Variants in LRRC72 observed in about 807,000 individuals in gnomAD.
LRRC72 encodes the protein leucine-rich repeat-containing protein 72.
A neutral mutation model predicts 35.8 loss-of-function variants in LRRC72; 41 were observed. That is an observed-to-expected ratio of 1.15 (90% CI 0.89 to 1.49). The LOEUF is 1.49. LRRC72 is among the 40% of genes most tolerant of loss of function. The pLI is 0.00. For synonymous variants in LRRC72, 118 were observed against 119.2 expected (o/e 0.99, Z 0.07); for missense variants, 389 against 330.7 (o/e 1.18, Z -1.37).
intron 3 of LRRC72, among the ~76,000 whole-genome samples, chr7:16,548,359 G>A (rs759251505): frequency 3.3e-5 from 5 of 152,184 alleles, no homozygotes; most frequent in Non-Finnish European, 4.4e-5. Context: ...GCCACGTTGT[G>A]GGTGACAAGA....
intron 7 of LRRC72, among the ~76,000 whole-genome samples, chr7:16,575,541 T>C (rs1036125538): frequency 4.6e-5 from 7 of 152,232 alleles, no homozygotes; most frequent in African/African-American, 1.7e-4. Flanking sequence ...AGTTTTATTT[T>C]GGACATTTGC....
chr7:16,574,203 A>G (rs1782998429), intron 7 of LRRC72, among the ~76,000 whole-genome samples: 1 of 152,202 alleles, frequency 6.6e-6, no homozygotes, highest in Non-Finnish European at 1.5e-5. Flanking sequence ...CTCTTGGGGC[A>G]GTGTAAATTA....
At position 16,548,605 on chromosome 7, in the gene LRRC72, C is replaced by G. The variant is rs1782492691; in HGVS notation, c.235-8755C>G. Among the ~76,000 whole-genome samples the G allele has an allele frequency of 2.0e-5, 3 of 152,234 alleles. No individual in the cohort carries two copies. In the South Asian group the frequency reaches 6.2e-4, roughly 32 times the overall value. Reference sequence around the variant, plus strand: ...AGGAAGCTGGTGCCCATGCCAATCCCTGGAACTGCCTGTCCTGCCACAGCC... The same window carrying G: ...AGGAAGCTGGTGCCCATGCCAATCCGTGGAACTGCCTGTCCTGCCACAGCC... On this transcript the variant is annotated intron_variant, in intron 3 of 8. Transcript: ENST00000401542.
Position 16,537,656 on chromosome 7 carries a change from G to A in LRRC72, c.194G>A (p.Arg65Lys), listed in dbSNP as rs1782280215. ...KELTEVIDLS[R>K]FKKLKYLWLH... is the part of the protein sequence containing the mutation. ...CTGACAGAGGTCATTGATCTTTCTA[G>A]GTTTAAAAAATTAAAATACTTATGG... The change falls in exon 3 of 9, where the codon AGG (arginine) becomes AAG (lysine). Residue 65 changes from arginine to lysine, a missense_variant. Arg to Lys is a conservative substitution (Grantham distance 26). Coordinates refer to ENST00000401542, the MANE Select transcript of LRRC72 (RefSeq NM_001195280.2). The A allele has an allele frequency of 1.3e-6, 2 of 1,526,544 alleles. No individual in the cohort carries two copies. The highest frequency in any genetic ancestry group is 2.5e-5 in the South Asian group (2 of 80,050). 94.6% of individuals were successfully genotyped at this position (1,526,544 alleles called of 1,614,324 possible). A position where few individuals can be genotyped will look rare whatever the true frequency, so the allele number is the denominator to read the frequency against.
chr7:16,543,326 C>T (rs1782391759), intron 3 of LRRC72, among the ~76,000 whole-genome samples: 1 of 152,154 alleles, frequency 6.6e-6, no homozygotes, highest in Admixed American at 6.5e-5. Context: ...ATCTGAAATC[C>T]TGACCAGCAT....
intron 3 of LRRC72, among the ~76,000 whole-genome samples, chr7:16,550,041 A>G (rs1782521631): frequency 6.6e-6 from 1 of 152,110 alleles, no homozygotes; most frequent in South Asian, 2.1e-4. Context: ...AAACATAGTC[A>G]GACCACATCT....
intron 3 of LRRC72, among the ~76,000 whole-genome samples, chr7:16,556,993 G>A (rs1212108921): frequency 6.6e-6 from 1 of 152,184 alleles, no homozygotes; most frequent in East Asian, 1.9e-4. Flanking sequence ...GATAATATTA[G>A]GTGGTGGATA....
chr7:16,546,517 T>C (rs922003027), intron 3 of LRRC72, among the ~76,000 whole-genome samples: 6 of 152,048 alleles, frequency 3.9e-5, no homozygotes, highest in African/African-American at 1.5e-4. Flanking sequence ...TGAGAATCAT[T>C]CAATACAGCA....
chr7:16,571,918 C>A (rs1782953213), intron 7 of LRRC72, among the ~76,000 whole-genome samples: 1 of 152,212 alleles, frequency 6.6e-6, no homozygotes, highest in Non-Finnish European at 1.5e-5. Context: ...CCCACCCCGA[C>A]AGAGCCCAGC....
Position 16,539,205 on chromosome 7 carries a change from T to A in LRRC72, c.234+1509T>A, listed in dbSNP as rs1195919815. 2.0e-5 allele frequency among the ~76,000 whole-genome samples: 3 copies of A among 152,306 alleles called. No individual in the cohort carries two copies. The East Asian group carries it at 5.8e-4, about 29-fold the overall frequency. On this transcript the variant is annotated intron_variant, in intron 3 of 8. Transcript: ENST00000401542. ...GACAATGAGGTCCAGGCTGAGGTGA[T>A]CTCAGATGGAGATGAGGAACTTATT... is the stretch of plus-strand genomic sequence containing the variant.
At chr7:16,562,085 C>T (rs1419895295) in intron 5 of LRRC72, among the ~76,000 whole-genome samples, 1 of 152,186 alleles carries the variant, frequency 6.6e-6, no homozygotes, top group Non-Finnish European at 1.5e-5. Context: ...CAAGGACTGC[C>T]TAGGAGACGC....
intron 7 of LRRC72, among the ~76,000 whole-genome samples, chr7:16,576,629 G>C (rs2128339310): frequency 6.6e-6 from 1 of 152,082 alleles, no homozygotes; most frequent in South Asian, 2.1e-4. Context: ...AAAACACTTT[G>C]GGCTTCTACC....
chr7:16,574,645 T>G (rs1241700890), intron 7 of LRRC72, among the ~76,000 whole-genome samples: 1 of 151,584 alleles, frequency 6.6e-6, no homozygotes, highest in Non-Finnish European at 1.5e-5. Flanking sequence ...CTGGGGCCTG[T>G]CGGGGGCTGG....
At position 16,533,135 on chromosome 7, in the gene LRRC72, A is replaced by G. The variant is rs1041991260; in HGVS notation, c.164+567A>G. On this transcript the variant is annotated intron_variant, in intron 2 of 8. Transcript: ENST00000401542. ...CAGCAAGCACTCAATGAGTATTAGT[A>G]TGGTTAACATTATTACTATTATTAG... Among the ~76,000 whole-genome samples the G allele has an allele frequency of 2.6e-5, 4 of 152,250 alleles. No individual in the cohort carries two copies. In the East Asian group the frequency reaches 7.7e-4, roughly 29 times the overall value.
chr7:16,572,363 C>G (rs1404998688), intron 7 of LRRC72, among the ~76,000 whole-genome samples: 3 of 152,024 alleles, frequency 2.0e-5, no homozygotes, highest in African/African-American at 7.2e-5. Flanking sequence ...CAAAAAATTC[C>G]AGGCCAATAT....
At chr7:16,560,376 C>G (rs1443395778) in intron 5 of LRRC72, among the ~76,000 whole-genome samples, 2 of 152,074 alleles carry the variant, frequency 1.3e-5, no homozygotes, top group Non-Finnish European at 2.9e-5. Context: ...GAAAATGATT[C>G]ATTTGTTATA....
chr7:16,527,169 G>C (rs1349638997), intron 1 of LRRC72, 127 bp downstream of exon 1: 23 of 689,364 alleles, frequency 3.3e-5, no homozygotes, highest in Non-Finnish European at 4.9e-5. Context: ...TGAAGACGGA[G>C]ATAGGTCAGA....
At chr7:16,536,149 A>T (rs1782253641) in intron 2 of LRRC72, among the ~76,000 whole-genome samples, 1 of 152,204 alleles carries the variant, frequency 6.6e-6, no homozygotes, top group Non-Finnish European at 1.5e-5. Flanking sequence ...CTGGGATTAC[A>T]GGCATGAGCC....
intron 3 of LRRC72, among the ~76,000 whole-genome samples, chr7:16,550,756 G>A (rs557518620): frequency 6.6e-6 from 1 of 152,056 alleles, no homozygotes; most frequent in Non-Finnish European, 1.5e-5. Context: ...TCTCTTTCCT[G>A]CCCTCACTTC....
Sources: allele counts gnomAD v4.1 joint callset (sites outside exome capture counted in the v4.1 genomes callset), GRCh38; gene constraint gnomAD v4.1.1; transcripts MANE v1.5; gene names NCBI Gene and HGNC (gene_info 2026-07-23, HGNC 2026-07-21).